KDM1A: variants seen among roughly 807,000 people sequenced by gnomAD.
KDM1A encodes the protein lysine-specific histone demethylase 1A.
KDM1A carries 49 observed loss-of-function variants against 109.4 expected under a neutral mutation model. The observed-to-expected ratio is 0.45, with a 90% CI of 0.36 to 0.57. KDM1A has a LOEUF of 0.57. Among genes scored for constraint, KDM1A ranks in the 20% least tolerant of loss-of-function variants. The pLI is 0.00. For synonymous variants in KDM1A, 380 were observed against 415.4 expected (o/e 0.91, Z 1.04); for missense variants, 668 against 1,116.6 (o/e 0.60, Z 5.73).
Position 23,019,616 on chromosome 1 carries a change from C to T in KDM1A, c.20C>T (p.Ala7Val). 1 of 1,419,876 alleles carries T rather than the reference C, an allele frequency of 7.0e-7. No individual in the cohort carries two copies. Among genetic ancestry groups the T allele is most frequent in the Admixed American group, 3.0e-5 (1 of 32,840 alleles). 88.0% of individuals were successfully genotyped at this position (1,419,876 alleles called of 1,614,324 possible). MLSGKKAAAAAAAAAAA... is the reference protein window; with the variant it reads MLSGKKVAAAAAAAAAA... Reference sequence around the variant, plus strand: ...CCCGAGATGTTATCTGGGAAGAAGGCGGCAGCCGCGGCGGCGGCGGCTGCA... The same window carrying T: ...CCCGAGATGTTATCTGGGAAGAAGGTGGCAGCCGCGGCGGCGGCGGCTGCA... Residue 7 changes from alanine (A) to valine (V), a missense_variant, in exon 1 of 21, where the codon GCG becomes GTG. Around this residue, in one of 8 missense-constraint regions of KDM1A, gnomAD observed 156 missense variants for 163.4 expected, o/e 0.95. Coordinates refer to ENST00000400181, the MANE Select transcript of KDM1A (RefSeq NM_001009999.3).
chr1:23,071,333 C>T lies in KDM1A; in HGVS notation c.1522C>T (p.His508Tyr). The T allele has an allele frequency of 6.2e-7, 1 of 1,612,848 alleles. No homozygotes were observed. Among genetic ancestry groups the T allele is most frequent in the Non-Finnish European group, 8.5e-7 (1 of 1,179,636 alleles). ...TGCCGAGTTCTTAGTGAAAAGCAAA[C>T]ACAGGGATCTGACCGCCCTATGCAA... The part of the protein sequence containing the change: ...ITAEFLVKSK[H>Y]RDLTALCKEY... The change falls in exon 13 of 21, where the codon CAC (histidine) becomes TAC (tyrosine). Residue 508 changes from histidine to tyrosine, a missense_variant. Physicochemically the swap from His to Tyr is moderately conservative, Grantham distance 83. This residue lies in a region of KDM1A where 162 missense variants were observed against 376.4 expected (regional missense o/e 0.43). Transcript: ENST00000400181.
At chr1:23,059,436 T>G in intron 9 of KDM1A, 1 of 465,110 alleles carries the variant, frequency 2.2e-6, no homozygotes, top group Admixed American at 2.7e-5. Context: ...AGTTAATCTT[T>G]TTATTTGGCT....
intron 1 of KDM1A, among the ~76,000 whole-genome samples, chr1:23,021,259 G>C (rs989263356): frequency 6.6e-6 from 1 of 152,196 alleles, no homozygotes; most frequent in African/African-American, 2.4e-5. Flanking sequence ...AAAGCACAGA[G>C]GTTGGTGACA....
intron 3 of KDM1A, among the ~76,000 whole-genome samples, chr1:23,044,713 C>T (rs777215553): frequency 1.5e-4 from 23 of 152,224 alleles, no homozygotes; most frequent in Non-Finnish European, 2.9e-4. Context: ...TTTGTGTTTT[C>T]GAGGAGATGG....
chr1:23,053,473 C>T (rs1330129376), intron 4 of KDM1A, among the ~76,000 whole-genome samples: 3 of 152,132 alleles, frequency 2.0e-5, no homozygotes, highest in African/African-American at 7.2e-5. Flanking sequence ...GCAGCCTCGA[C>T]GTCCCGGGCT....
At chr1:23,038,525 G>A (rs1175712273) in intron 2 of KDM1A, among the ~76,000 whole-genome samples, 2 of 152,162 alleles carry the variant, frequency 1.3e-5, no homozygotes, top group African/African-American at 4.8e-5. Context: ...GGAACATTTT[G>A]AAAAGTGAAC....
At chr1:23,049,848 CTTA>C (rs1377212306) in intron 3 of KDM1A, among the ~76,000 whole-genome samples, 9 of 152,076 alleles carry the variant, frequency 5.9e-5, no homozygotes, top group South Asian at 2.1e-4. Context: ...ATTCTTCTGT[CTTA>C]TTGTTGTCTG....
chr1:23,055,813 CTG>C (rs1310694159), intron 6 of KDM1A, 117 bp from the exon 7 acceptor site: 9 of 471,472 alleles, frequency 1.9e-5, no homozygotes, highest in Non-Finnish European at 3.4e-5. Context: ...AAATAACTCT[CTG>C]TATTTTTTAC....
At chr1:23,068,324 G>C (rs1431822569) in intron 10 of KDM1A, among the ~76,000 whole-genome samples, 1 of 152,174 alleles carries the variant, frequency 6.6e-6, no homozygotes, top group Non-Finnish European at 1.5e-5. Context: ...GCAGTAGTGG[G>C]AGAAGAAGAG....
chr1:23,027,360 G>T (rs1366768099), intron 1 of KDM1A, among the ~76,000 whole-genome samples: 1 of 150,242 alleles, frequency 6.7e-6, no homozygotes, highest in African/African-American at 2.4e-5. Flanking sequence ...TATTGTGGCA[G>T]TCTGGTACTG....
chr1:23,066,385 C>T (rs756394196), intron 10 of KDM1A, among the ~76,000 whole-genome samples: 3 of 152,162 alleles, frequency 2.0e-5, no homozygotes, highest in Non-Finnish European at 2.9e-5. Context: ...TTGACAGTGT[C>T]CCTTTAAATA....
At chr1:23,050,643 C>G (rs1328646335) in intron 4 of KDM1A, 123 bp downstream of exon 4, 2 of 701,804 alleles carry the variant, frequency 2.8e-6, no homozygotes, top group East Asian at 6.6e-5. Context: ...CTATTATTAC[C>G]CAGAGATAAC....
chr1:23,061,434 C>G (rs538835383), intron 9 of KDM1A, among the ~76,000 whole-genome samples: 1 of 152,138 alleles, frequency 6.6e-6, no homozygotes, highest in Non-Finnish European at 1.5e-5. Context: ...TCATTCAACT[C>G]TGATCTGTAT....
chr1:23,059,122 C>T lies in KDM1A; in HGVS notation c.1122C>T (p.Ala374=). ...VVSKQVNMEL[A]KIKQKCPLYE... is the part of the protein sequence containing the mutation. ...GCAAACAAGTAAATATGGAACTGGCCAAGATCAAGCAAAAATGCCCACTTT... is the reference window on the plus strand; with the variant it reads ...GCAAACAAGTAAATATGGAACTGGCTAAGATCAAGCAAAAATGCCCACTTT... The change falls in exon 9 of 21, where the codon GCC becomes GCT. Residue 374 remains alanine (A), a synonymous_variant. Coordinates refer to ENST00000400181, the MANE Select transcript of KDM1A (RefSeq NM_001009999.3). 1 of 1,613,010 alleles carries T rather than the reference C, an allele frequency of 6.2e-7. No homozygotes were observed. The highest frequency in any genetic ancestry group is 8.5e-7 in the Non-Finnish European group (1 of 1,179,580).
intron 15 of KDM1A, 50 bp from the exon 16 acceptor site, chr1:23,077,178 G>T: frequency 1.3e-6 from 2 of 1,579,758 alleles, no homozygotes; most frequent in South Asian, 2.3e-5. Context: ...AGGTGCAAAT[G>T]ACACAGATTA....
chr1:23,031,601 C>T (rs1342770788), intron 2 of KDM1A, among the ~76,000 whole-genome samples: 1 of 151,686 alleles, frequency 6.6e-6, no homozygotes, highest in Non-Finnish European at 1.5e-5. Flanking sequence ...GGTTTTCTCC[C>T]CTATGGTGTT....
Position 23,082,218 on chromosome 1 carries a change from A to C in KDM1A, c.2299-2A>C. 6.2e-7 allele frequency: 1 copy of C among 1,611,688 alleles called. No homozygotes were observed. The highest frequency in any genetic ancestry group is 8.5e-7 in the Non-Finnish European group (1 of 1,179,308). ...GACTTTTGCTCCTGGTTTTTCTTTT[A>C]GCCCAAAGAAACTGTGGTGTCTCGT... On this transcript the variant is annotated splice_acceptor_variant, in intron 19 of 20. Coordinates refer to ENST00000400181, the MANE Select transcript of KDM1A (RefSeq NM_001009999.3). LOFTEE classifies it high-confidence loss of function.
At chr1:23,075,308 G>A (rs1643430471) in intron 15 of KDM1A, among the ~76,000 whole-genome samples, 1 of 152,200 alleles carries the variant, frequency 6.6e-6, no homozygotes, top group South Asian at 2.1e-4. Flanking sequence ...TATAGGCTGG[G>A]TACGGTGGCT....
chr1:23,023,026 T>C (rs540315474), intron 1 of KDM1A, among the ~76,000 whole-genome samples: 1 of 152,310 alleles, frequency 6.6e-6, no homozygotes, highest in Admixed American at 6.5e-5. Flanking sequence ...GGTAAAGTGG[T>C]ATCTCATTGT....
Sources: gnomAD v4.1 joint callset for allele counts (sites outside exome capture counted in the v4.1 genomes callset) on GRCh38, gnomAD v4.1.1 for gene constraint, gnomAD v4.1.1 regional missense constraint, MANE v1.5 for transcripts, NCBI Gene and HGNC (gene_info 2026-07-23, HGNC 2026-07-21) for gene names.